The following PPP2R2C variants were observed in gnomAD, a reference collection of about 807,000 sequenced individuals.
PPP2R2C encodes protein phosphatase 2 regulatory subunit Bgamma, also known as protein phosphatase 2, regulatory subunit B, gamma.
Under a neutral mutation model 45.3 loss-of-function variants are expected in PPP2R2C, and 10 were observed. The ratio of observed to expected loss-of-function variants is 0.22; its 90% CI spans 0.14 to 0.37. The LOEUF (loss-of-function observed/expected upper bound fraction) is 0.37. PPP2R2C is among the 10% of genes least tolerant of loss of function. PPP2R2C has a pLI of 1.00. For missense variants in PPP2R2C, 308 were observed against 619.7 expected, an observed-to-expected ratio of 0.50 and a Z score of 5.34; for synonymous variants, 257 against 245.4, an observed-to-expected ratio of 1.05 and a Z score of -0.44.
At chr4:6,344,404 T>C (rs1173656283) in intron 6 of PPP2R2C, among the ~76,000 whole-genome samples, 1 of 152,244 alleles carries the variant, frequency 6.6e-6, no homozygotes, top group Non-Finnish European at 1.5e-5. Context: ...GATGTGTCTG[T>C]GCTTGGACTC....
chr4:6,338,858 C>A (rs547675344), intron 6 of PPP2R2C, among the ~76,000 whole-genome samples: 1 of 152,346 alleles, frequency 6.6e-6, no homozygotes, highest in South Asian at 2.1e-4. Flanking sequence ...ATGCATCGTG[C>A]TCTGTGTGAC....
intron 1 of PPP2R2C, among the ~76,000 whole-genome samples, chr4:6,546,940 A>G (rs1214210107): frequency 6.6e-6 from 1 of 152,188 alleles, no homozygotes; most frequent in Non-Finnish European, 1.5e-5. Context: ...GGAAAGAGAG[A>G]CGGGAAGAAG....
At chr4:6,497,269 G>A (rs547442576) in intron 2 of PPP2R2C, among the ~76,000 whole-genome samples, 18 of 152,266 alleles carry the variant, frequency 1.2e-4, no homozygotes, top group African/African-American at 3.9e-4. Flanking sequence ...TGGGGAAAAC[G>A]TGCCCTACCA....
At chr4:6,462,795 CT>C (rs1376074333) in intron 1 of PPP2R2C, among the ~76,000 whole-genome samples, 1 of 152,228 alleles carries the variant, frequency 6.6e-6, no homozygotes, top group African/African-American at 2.4e-5. Context: ...TGACAGGAGT[CT>C]TGGATTTGCC....
intron 1 of PPP2R2C, among the ~76,000 whole-genome samples, chr4:6,448,456 G>A (rs906348375): frequency 1.4e-4 from 21 of 151,872 alleles, no homozygotes; most frequent in African/African-American, 4.8e-4. Context: ...CACCAGGGCC[G>A]GCCCCACCTC....
chr4:6,390,819 C>G (rs532829428), intron 1 of PPP2R2C, among the ~76,000 whole-genome samples: 1 of 152,208 alleles, frequency 6.6e-6, no homozygotes, highest in Non-Finnish European at 1.5e-5. Context: ...GTCCAGGCAC[C>G]GCCCGGCAGT....
At chr4:6,526,056 C>G (rs60388276) in intron 2 of PPP2R2C, among the ~76,000 whole-genome samples, 34,229 of 152,066 alleles carry the variant, frequency 0.23, 4,208 homozygotes, top group East Asian at 0.43. Flanking sequence ...GGCTCATCTA[C>G]AGAGGCTGCA....
chr4:6,362,695 G>A (rs542438446), intron 5 of PPP2R2C, among the ~76,000 whole-genome samples: 2 of 152,288 alleles, frequency 1.3e-5, no homozygotes, highest in East Asian at 3.9e-4. Context: ...CCCCCACCTG[G>A]CGAGTGGTCA....
At chr4:6,561,866 T>C (rs901816392) in intron 1 of PPP2R2C, among the ~76,000 whole-genome samples, 9 of 152,214 alleles carry the variant, frequency 5.9e-5, no homozygotes, top group African/African-American at 2.2e-4. Context: ...ACCCCTTTTC[T>C]GAAAAGCAGA....
At chr4:6,427,991 T>C (rs562984772) in intron 1 of PPP2R2C, among the ~76,000 whole-genome samples, 5 of 152,270 alleles carry the variant, frequency 3.3e-5, no homozygotes, top group African/African-American at 1.2e-4. Flanking sequence ...GGGAACGAGC[T>C]AGACAGCAGA....
rs147404682 is a variant in PPP2R2C at position 6,485,374 on chromosome 4, A to G, written c.49+49897T>C. Reference sequence around the variant, plus strand: ...TAATGTCTGTCTGGTTTTGAGATCAAGGTAACTCTGCCCCACAGAATGATT... The same window carrying G: ...TAATGTCTGTCTGGTTTTGAGATCAGGGTAACTCTGCCCCACAGAATGATT... On this transcript the variant is annotated intron_variant, in intron 2 of 9. Transcript: ENST00000506140. 1.5e-3 allele frequency among the ~76,000 whole-genome samples: 222 copies of G among 152,020 alleles called. 2 individuals are homozygous for G. Among genetic ancestry groups the G allele is most frequent in the Admixed American group, 2.9e-3 (44 of 15,282 alleles).
rs568741038 is a variant in PPP2R2C, at chr4:6,326,859, G to C, written c.1052+2403C>G. Among the ~76,000 whole-genome samples, 134 of 152,348 alleles carry C rather than the reference G, an allele frequency of 8.8e-4. No individual in the cohort carries two copies. The Middle Eastern group carries it at 0.01, about 12-fold the overall frequency. On this transcript the variant is annotated intron_variant, in intron 8 of 8. Transcript: ENST00000382599. ...GGGCAGCCACCACGCGGCAGCAGCGGCGCTCTGCGGGCCGGACCAACTGTC... is the reference window on the plus strand; with the variant it reads ...GGGCAGCCACCACGCGGCAGCAGCGCCGCTCTGCGGGCCGGACCAACTGTC...
At chr4:6,500,920 C>T (rs1394722337) in intron 2 of PPP2R2C, among the ~76,000 whole-genome samples, 1 of 152,192 alleles carries the variant, frequency 6.6e-6, no homozygotes, top group Non-Finnish European at 1.5e-5. Context: ...GGCTGCGAAG[C>T]CGTCGCACGG....
At chr4:6,532,954 G>T (rs1211265084) in intron 2 of PPP2R2C, among the ~76,000 whole-genome samples, 1 of 152,218 alleles carries the variant, frequency 6.6e-6, no homozygotes. Context: ...GCTCAACACA[G>T]GGGGTACTGC....
chr4:6,332,250 G>C lies in PPP2R2C; in HGVS notation c.960+1312C>G, dbSNP rs1352988212. Among the ~76,000 whole-genome samples, 1 of 152,218 alleles carries C rather than the reference G, an allele frequency of 6.6e-6. No individual in the cohort carries two copies. The highest frequency in any genetic ancestry group is 1.9e-4 in the East Asian group (1 of 5,192). On this transcript the variant is annotated intron_variant, in intron 7 of 8. Coordinates refer to ENST00000382599, the MANE Select transcript of PPP2R2C (RefSeq NM_020416.4). This position sits in a 1 kb window ranked among gnomAD's most constrained non-coding sequence, Gnocchi z 4.9. ...TGCCTCCAGAGGGAGCCAGAGAGTT[G>C]CTCCTGCAGGCTTGAGCCGGGCTTA...
chr4:6,392,208 T>A (rs1242342705), intron 1 of PPP2R2C, among the ~76,000 whole-genome samples: 3 of 152,158 alleles, frequency 2.0e-5, no homozygotes, highest in African/African-American at 7.2e-5. Context: ...AAATTCTATG[T>A]CATGTATATT....
At chr4:6,512,468 T>C (rs890786705) in intron 2 of PPP2R2C, among the ~76,000 whole-genome samples, 70 of 130,582 alleles carry the variant, frequency 5.4e-4, no homozygotes, top group Non-Finnish European at 9.8e-4. Flanking sequence ...GTGGTGATTA[T>C]GGTGGTAGTG....
intron 1 of PPP2R2C, among the ~76,000 whole-genome samples, chr4:6,470,166 T>A (rs968647570): frequency 6.6e-6 from 1 of 152,230 alleles, no homozygotes; most frequent in Non-Finnish European, 1.5e-5. Context: ...GACTGAGCCC[T>A]GGTGAGAAGA....
chr4:6,452,352 C>T (rs2108747595), intron 1 of PPP2R2C, among the ~76,000 whole-genome samples: 1 of 152,316 alleles, frequency 6.6e-6, no homozygotes, highest in South Asian at 2.1e-4. Context: ...TGGGGCCCAC[C>T]CCAGTCCACC....
Sources: gnomAD v4.1 joint callset for allele counts (sites outside exome capture counted in the v4.1 genomes callset) on GRCh38, gnomAD v4.1.1 for gene constraint, Gnocchi (gnomAD v3.1) non-coding constraint, MANE v1.5 for transcripts, NCBI Gene and HGNC (gene_info 2026-07-23, HGNC 2026-07-21) for gene names.